The following NEDD4L variants were observed in gnomAD, a reference collection of about 807,000 sequenced individuals.
The protein encoded by NEDD4L is E3 ubiquitin-protein ligase NEDD4-like.
Under a neutral mutation model 148.9 loss-of-function variants are expected in NEDD4L, and 54 were observed. The observed-to-expected ratio is 0.36, with a 90% confidence interval of 0.29 to 0.45. The LOEUF (loss-of-function observed/expected upper bound fraction) is 0.45. Among genes scored for constraint, NEDD4L ranks in the 20% least tolerant of loss-of-function variants. The probability of loss-of-function intolerance (pLI) is 1.00; values close to 1 mark genes in which losing one functional copy is unlikely to be tolerated. For synonymous variants in NEDD4L, 433 were observed against 440.7 expected (o/e 0.98, Z 0.22); for missense variants, 856 against 1,233.8 (o/e 0.69, Z 4.59).
chr18:58,141,501 A>T (rs558488950), intron 1 of NEDD4L, among the ~76,000 whole-genome samples: 147 of 151,982 alleles, frequency 9.7e-4, no homozygotes, highest in Admixed American at 2.0e-3. Flanking sequence ...TGTTTTTTTT[A>T]AAAAAACTTT....
At chr18:58,232,592 T>C (rs1350299101) in intron 2 of NEDD4L, among the ~76,000 whole-genome samples, 1 of 152,212 alleles carries the variant, frequency 6.6e-6, no homozygotes, top group Non-Finnish European at 1.5e-5. Flanking sequence ...AAAATACATA[T>C]CCTATGGCAC....
intron 5 of NEDD4L, among the ~76,000 whole-genome samples, chr18:58,276,225 G>C: frequency 7.0e-6 from 1 of 142,162 alleles, no homozygotes; most frequent in Non-Finnish European, 1.5e-5. Flanking sequence ...GTGGGGAGGG[G>C]GGTGGTTTTC....
intron 1 of NEDD4L, among the ~76,000 whole-genome samples, chr18:58,127,115 T>C (rs1361791117): frequency 6.6e-6 from 1 of 152,244 alleles, no homozygotes; most frequent in Non-Finnish European, 1.5e-5. Context: ...CCCCGTCTCC[T>C]GTCATCCTCC....
intron 11 of NEDD4L, among the ~76,000 whole-genome samples, chr18:58,333,380 CT>C (rs997939389): frequency 2.3e-4 from 35 of 151,844 alleles, no homozygotes; most frequent in Non-Finnish European, 7.4e-5. Flanking sequence ...GCAACTGACT[CT>C]TTTTCAATTG....
chr18:58,164,228 C>A (rs1050219665), intron 1 of NEDD4L, among the ~76,000 whole-genome samples: 2 of 152,028 alleles, frequency 1.3e-5, no homozygotes, highest in Admixed American at 1.3e-4. Flanking sequence ...TGTTCCATCC[C>A]GCACACCCCC....
intron 1 of NEDD4L, among the ~76,000 whole-genome samples, chr18:58,069,136 CAAAAAAAAAAAAA>C (rs1161273608): frequency 4.1e-5 from 3 of 73,242 alleles, no homozygotes; most frequent in African/African-American, 1.3e-4. Flanking sequence ...AATCTGTCTC[CAAAAAAAAAAAAA>C]AAAAAAAAAA....
At chr18:58,131,850 C>T (rs1384718043) in intron 1 of NEDD4L, among the ~76,000 whole-genome samples, 1 of 152,098 alleles carries the variant, frequency 6.6e-6, no homozygotes, top group Non-Finnish European at 1.5e-5. Context: ...TGCTGTATGC[C>T]TGTATACCTG....
chr18:58,055,391 T>TTGTG (rs2082045613), intron 1 of NEDD4L, among the ~76,000 whole-genome samples: 1 of 152,256 alleles, frequency 6.6e-6, no homozygotes, highest in Non-Finnish European at 1.5e-5. Context: ...TTTTATTGTC[T>TTGTG]TGTGTTTTGC....
chr18:58,053,885 A>G (rs28625940), intron 1 of NEDD4L, among the ~76,000 whole-genome samples: 23,966 of 152,126 alleles, frequency 0.16, 2,136 homozygotes, highest in African/African-American at 0.24. Flanking sequence ...TGCAAAGCCA[A>G]TCATTTCTTT....
At chr18:58,131,962 G>T (rs2032220599) in intron 1 of NEDD4L, among the ~76,000 whole-genome samples, 7 of 152,156 alleles carry the variant, frequency 4.6e-5, no homozygotes, top group Admixed American at 4.6e-4. Context: ...TTCTGAAAAG[G>T]TGAGATCAAA....
intron 30 of NEDD4L, among the ~76,000 whole-genome samples, chr18:58,392,244 T>A (rs2049932294): frequency 6.6e-6 from 1 of 152,212 alleles, no homozygotes; most frequent in African/African-American, 2.4e-5. Flanking sequence ...ATGTCCCTCG[T>A]GTTGGTTTTT....
At position 58,387,493 on chromosome 18, in the gene NEDD4L, C is replaced by A. The variant is rs370069597; in HGVS notation, c.2542C>A (p.Leu848Met). The change falls in exon 27 of 31, where the codon CTG becomes ATG. Residue 848 changes from leucine to methionine, a missense_variant. Physicochemically the swap from Leu to Met is conservative, Grantham distance 15. This residue lies in a region of NEDD4L where 286 missense variants were observed against 531.8 expected (regional missense o/e 0.54). Transcript: ENST00000400345. ...GATTAAAATTTTTGATGAAAATGAGCTGGAGGTTTGTATTATAAACATTAT... is the reference window on the plus strand; with the variant it reads ...GATTAAAATTTTTGATGAAAATGAGATGGAGGTTTGTATTATAAACATTAT... ...DLIKIFDENE[L>M]ELLMCGLGDV... The A allele has an allele frequency of 1.3e-6, 2 of 1,567,676 alleles. No homozygotes were observed. Among genetic ancestry groups the A allele is most frequent in the Non-Finnish European group, 1.7e-6 (2 of 1,157,654 alleles).
At chr18:58,289,633 G>T (rs10871753) in intron 5 of NEDD4L, among the ~76,000 whole-genome samples, 70,689 of 151,922 alleles carry the variant, frequency 0.47, 17,194 homozygotes, top group South Asian at 0.7. Context: ...GCTGCAGAGG[G>T]TGAGAGCAAC....
At chr18:58,301,810 A>T in intron 5 of NEDD4L, among the ~76,000 whole-genome samples, 1 of 152,208 alleles carries the variant, frequency 6.6e-6, no homozygotes, top group Non-Finnish European at 1.5e-5. Context: ...ATTAATGTTT[A>T]GGATGACCAA....
chr18:58,063,062 TTG>T (rs148792985), intron 1 of NEDD4L, among the ~76,000 whole-genome samples: 46,546 of 76,982 alleles, frequency 0.6, 13,388 homozygotes, highest in East Asian at 0.85. Flanking sequence ...TTTTTTTTTT[TTG>T]AGACAGTATC....
At chr18:58,346,170 G>A (rs1239294888) in intron 16 of NEDD4L, among the ~76,000 whole-genome samples, 1 of 152,182 alleles carries the variant, frequency 6.6e-6, no homozygotes, top group African/African-American at 2.4e-5. Context: ...GATGTACCAA[G>A]GAGGGATGTT....
intron 2 of NEDD4L, among the ~76,000 whole-genome samples, chr18:58,207,105 C>T (rs1487841224): frequency 6.6e-6 from 1 of 152,162 alleles, no homozygotes; most frequent in African/African-American, 2.4e-5. Flanking sequence ...AGAATATTTT[C>T]ACCAGGAAGT....
intron 26 of NEDD4L, 53 bp downstream of exon 26, chr18:58,385,639 T>C (rs1601970948): frequency 7.0e-7 from 1 of 1,427,896 alleles, no homozygotes; most frequent in East Asian, 2.3e-5. Flanking sequence ...CCCGGGTCGA[T>C]GGGGGATCGC....
At chr18:58,311,939 C>A (rs1489152290) in intron 5 of NEDD4L, among the ~76,000 whole-genome samples, 1 of 152,156 alleles carries the variant, frequency 6.6e-6, no homozygotes, top group Non-Finnish European at 1.5e-5. Flanking sequence ...TGGCAGCATA[C>A]CCCTCTGCAT....
Sources: gnomAD v4.1 joint callset for allele counts (sites outside exome capture counted in the v4.1 genomes callset) on GRCh38, gnomAD v4.1.1 for gene constraint, gnomAD v4.1.1 regional missense constraint, MANE v1.5 for transcripts, NCBI Gene and HGNC (gene_info 2026-07-23, HGNC 2026-07-21) for gene names.